Variants in OPCML observed in about 807,000 individuals in gnomAD.
OPCML encodes opioid binding protein/cell adhesion molecule like, also known as opioid-binding protein/cell adhesion molecule.
OPCML carries 13 observed loss-of-function variants against 37.8 expected under a neutral mutation model. The ratio of observed to expected loss-of-function variants is 0.34; its 90% CI spans 0.22 to 0.55. The LOEUF (loss-of-function observed/expected upper bound fraction) is 0.55. Among genes scored for constraint, OPCML ranks in the 20% least tolerant of loss-of-function variants. The pLI is 0.91. For missense variants in OPCML, 341 were observed against 435.6 expected (o/e 0.78, Z 1.93); for synonymous variants, 176 against 168.8 (o/e 1.04, Z -0.33).
chr11:133,502,631 C>T lies in OPCML; in HGVS notation c.61+29633G>A, dbSNP rs148774966. ...CTTCCAAGGCTCAACTAAATGATCA[C>T]GATTTTCAGGGAAGAAAGGAATCTG... On this transcript the variant is annotated intron_variant, in intron 1 of 7. Transcript: ENST00000524381. Among the ~76,000 whole-genome samples the T allele has an allele frequency of 6.2e-3, 941 of 152,330 alleles. 5 individuals carry two copies. The highest frequency in any genetic ancestry group is 7.3e-3 in the Non-Finnish European group (494 of 68,034).
At chr11:132,477,148 A>G (rs1428753985) in intron 4 of OPCML, among the ~76,000 whole-genome samples, 3 of 152,268 alleles carry the variant, frequency 2.0e-5, no homozygotes, top group East Asian at 1.9e-4. Flanking sequence ...GTGCAACCCA[A>G]TGATTTTCAA....
At chr11:132,750,104 G>A (rs1018435272) in intron 2 of OPCML, among the ~76,000 whole-genome samples, 2 of 152,118 alleles carry the variant, frequency 1.3e-5, no homozygotes, top group African/African-American at 2.4e-5. Context: ...GCAAGCCGAG[G>A]TGGGCAGATC....
intron 5 of OPCML, 49 bp from the exon 6 acceptor site, chr11:132,436,828 C>A (rs1226963566): frequency 6.3e-7 from 1 of 1,586,322 alleles, no homozygotes; most frequent in East Asian, 2.3e-5. Flanking sequence ...CGCACGCACA[C>A]ACAGAGTGAT....
At chr11:133,430,822 CCTT>C (rs1382737234) in intron 1 of OPCML, among the ~76,000 whole-genome samples, 60 of 152,222 alleles carry the variant, frequency 3.9e-4, no homozygotes, top group African/African-American at 1.3e-3. Flanking sequence ...AATTTTTTAA[CCTT>C]CTTAAAATAT....
rs57417327 is a variant in OPCML at position 133,373,424 on chromosome 11, AATATAT to A, written c.61+158834_61+158839del. ...CTAAAAAAGTTAATTACTTAATTAA[AATATAT>A]ATATATATATATATATATACACACA... On this transcript the variant is annotated intron_variant, in intron 1 of 7. Transcript: ENST00000524381. 4.9e-3 allele frequency among the ~76,000 whole-genome samples: 576 copies of A among 117,732 alleles called. 13 individuals are homozygous for A. The highest frequency in any genetic ancestry group is 0.016 in the African/African-American group (478 of 29,864). 77.2% of individuals were successfully genotyped at this position (117,732 alleles called of 152,430 possible). A position where few individuals can be genotyped will look rare whatever the true frequency, so the allele number is the denominator to read the frequency against.
chr11:133,379,572 C>T (rs570002509), intron 1 of OPCML, among the ~76,000 whole-genome samples: 10 of 152,260 alleles, frequency 6.6e-5, no homozygotes, highest in African/African-American at 2.2e-4. Flanking sequence ...CCTCCTTCTT[C>T]GCCTTGTGGG....
chr11:132,963,544 A>G (rs1946140651), intron 1 of OPCML, among the ~76,000 whole-genome samples: 1 of 150,756 alleles, frequency 6.6e-6, no homozygotes, highest in Non-Finnish European at 1.5e-5. Context: ...GTGAGCCAAG[A>G]TCGTGCCACT....
At chr11:132,729,881 C>T (rs1210467471) in intron 2 of OPCML, among the ~76,000 whole-genome samples, 1 of 152,046 alleles carries the variant, frequency 6.6e-6, no homozygotes, top group Non-Finnish European at 1.5e-5. Context: ...GTAGAACTTA[C>T]TTAATATGGC....
intron 4 of OPCML, among the ~76,000 whole-genome samples, chr11:132,484,397 T>A (rs1187180651): frequency 6.6e-6 from 1 of 152,116 alleles, no homozygotes; most frequent in Non-Finnish European, 1.5e-5. Context: ...AGAATGGCAA[T>A]CATTAAAAAG....
At chr11:133,007,237 T>C (rs1947130726) in intron 1 of OPCML, 1 of 985,338 alleles carries the variant, frequency 1.0e-6, no homozygotes, top group Non-Finnish European at 1.2e-6. Context: ...ACCCTCCGTT[T>C]ATTTTAGCAA....
intron 3 of OPCML, among the ~76,000 whole-genome samples, chr11:132,585,378 A>G (rs1463679607): frequency 1.3e-5 from 2 of 151,044 alleles, no homozygotes; most frequent in African/African-American, 4.9e-5. Context: ...TTATGTTGAA[A>G]TTTCCTGTTT....
intron 2 of OPCML, among the ~76,000 whole-genome samples, chr11:132,747,020 G>A (rs1373034753): frequency 6.6e-6 from 1 of 152,058 alleles, no homozygotes; most frequent in Non-Finnish European, 1.5e-5. Flanking sequence ...TTACTACAAG[G>A]ATCAAATGAG....
At chr11:133,414,959 A>G (rs985089795) in intron 1 of OPCML, among the ~76,000 whole-genome samples, 3 of 152,164 alleles carry the variant, frequency 2.0e-5, no homozygotes, top group African/African-American at 7.2e-5. Flanking sequence ...TGCCCAGCAC[A>G]GGGGAATTAC....
chr11:132,815,732 TATTC>T (rs1003464965), intron 2 of OPCML, among the ~76,000 whole-genome samples: 2 of 152,204 alleles, frequency 1.3e-5, no homozygotes, highest in Non-Finnish European at 2.9e-5. Context: ...TTAAAATTCT[TATTC>T]ATTGATTTAT....
At chr11:132,969,839 A>C (rs1354389601) in intron 1 of OPCML, among the ~76,000 whole-genome samples, 1 of 152,160 alleles carries the variant, frequency 6.6e-6, no homozygotes, top group Non-Finnish European at 1.5e-5. Context: ...TTATTTCATT[A>C]AGCATTATTC....
Position 132,564,809 on chromosome 11 carries a change from T to C in OPCML, c.380-35623A>G, listed in dbSNP as rs2096418688. On this transcript the variant is annotated intron_variant, in intron 3 of 7. Coordinates refer to ENST00000524381, the MANE Select transcript of OPCML (RefSeq NM_001012393.5). ...TAGGAAAGCTCAGTAGATTTTACAG[T>C]CCTGGAGACTGGACAAAGTCAACGG... 3.9e-5 allele frequency among the ~76,000 whole-genome samples: 6 copies of C among 152,198 alleles called. No individual in the cohort carries two copies. In the South Asian group the frequency reaches 1.2e-3, roughly 31 times the overall value.
intron 3 of OPCML, among the ~76,000 whole-genome samples, chr11:132,532,545 G>A (rs1488248013): frequency 1.3e-5 from 2 of 152,084 alleles, no homozygotes; most frequent in Non-Finnish European, 2.9e-5. Context: ...GGAGATAAAT[G>A]GATCAAAATT....
chr11:132,821,531 A>G (rs574981027), intron 2 of OPCML, among the ~76,000 whole-genome samples: 49 of 152,348 alleles, frequency 3.2e-4, no homozygotes, highest in African/African-American at 1.1e-3. Flanking sequence ...AAGACTGGAA[A>G]ATTATCCGCT....
intron 1 of OPCML, among the ~76,000 whole-genome samples, chr11:133,331,901 C>T (rs1943627496): frequency 6.6e-6 from 1 of 152,094 alleles, no homozygotes; most frequent in African/African-American, 2.4e-5. Context: ...CTTAGGATTG[C>T]CTTGGCTATT....
Sources: gnomAD v4.1 joint callset for allele counts (sites outside exome capture counted in the v4.1 genomes callset) on GRCh38, gnomAD v4.1.1 for gene constraint, MANE v1.5 for transcripts, NCBI Gene and HGNC (gene_info 2026-07-23, HGNC 2026-07-21) for gene names.